DPYS: variants seen among roughly 807,000 people sequenced by gnomAD.
The protein encoded by DPYS is dihydropyrimidinase, also known as dihydropyrimidine amidohydrolase.
In DPYS, 39 loss-of-function variants were observed where a neutral mutation model predicts 50.3. The observed-to-expected ratio is 0.78, with a 90% CI of 0.60 to 1.01. DPYS has a LOEUF of 1.01. Among genes scored for constraint, DPYS ranks in the 50% least tolerant of loss-of-function variants. The pLI, the probability that DPYS is intolerant of heterozygous loss-of-function variation, is 0.00. For synonymous variants in DPYS, 245 were observed against 250.7 expected, an observed-to-expected ratio of 0.98 and a Z score of 0.22; for missense variants, 659 against 680.9, an observed-to-expected ratio of 0.97 and a Z score of 0.36.
In DPYS at chr8:104,451,839, A is replaced by G. The variant is rs151034280; in HGVS notation, c.265-435T>C. 8.5e-3 allele frequency among the ~76,000 whole-genome samples: 1,296 copies of G among 152,314 alleles called. 24 individuals are homozygous for G. The highest frequency in any genetic ancestry group is 0.03 in the African/African-American group (1,248 of 41,552). On this transcript the variant is annotated intron_variant, in intron 1 of 9. Transcript: ENST00000351513. The stretch of plus-strand genomic sequence containing the variant: ...ACTCTCAGAATCCTGGGAGACTTAC[A>G]TGGTTCCGGTCTTGCCTCCATTCCC...
At chr8:104,440,948 T>C (rs1268246220) in intron 4 of DPYS, among the ~76,000 whole-genome samples, 1 of 152,186 alleles carries the variant, frequency 6.6e-6, no homozygotes, top group African/African-American at 2.4e-5. Context: ...AAAAGGTCAG[T>C]GTGGTCCAAC....
At chr8:104,436,203 C>T (rs1171055740) in intron 4 of DPYS, among the ~76,000 whole-genome samples, 1 of 152,198 alleles carries the variant, frequency 6.6e-6, no homozygotes, top group African/African-American at 2.4e-5. Context: ...CCCGTTCCCA[C>T]ACTGACCAAC....
Position 104,429,596 on chromosome 8 carries a change from G to A in DPYS, c.899C>T (p.Pro300Leu). Residue 300 changes from proline (P) to leucine (L), a missense_variant, in exon 5 of 10, where the codon CCT becomes CTT. By Grantham distance (98) the Pro-to-Leu change is moderately conservative. Coordinates refer to ENST00000351513, the MANE Select transcript of DPYS (RefSeq NM_001385.3). ...HHAAHHVMGPPLRPDPSTPDF... is the reference protein window; with the variant it reads ...HHAAHHVMGPLLRPDPSTPDF... ...GGGTGTTGAGGGGTCTGGTCGCAAA[G>A]GTGGACCCATGACATGGTGGGCTGC... 1.2e-6 allele frequency: 2 copies of A among 1,614,142 alleles called. No homozygotes were observed. The highest frequency in any genetic ancestry group is 1.7e-6 in the Non-Finnish European group (2 of 1,180,020).
chr8:104,379,869 CTG>C (rs1810975550), intron 9 of DPYS, 26 bp from the exon 10 acceptor site: 1 of 455,858 alleles, frequency 2.2e-6, no homozygotes, highest in Admixed American at 2.4e-5. Flanking sequence ...AAGGAACTCA[CTG>C]TAACATTCTC....
chr8:104,458,997 G>A (rs956922906), intron 1 of DPYS, among the ~76,000 whole-genome samples: 3 of 152,198 alleles, frequency 2.0e-5, no homozygotes, highest in African/African-American at 7.2e-5. Context: ...GGTCTTTTCT[G>A]TGTGAAAAGA....
chr8:104,401,907 C>T (rs1227958575), intron 7 of DPYS, among the ~76,000 whole-genome samples: 8 of 152,166 alleles, frequency 5.3e-5, no homozygotes, highest in African/African-American at 1.9e-4. Flanking sequence ...CTTCTACACC[C>T]GCCTCCTGCA....
chr8:104,417,867 G>A (rs1430151670), intron 7 of DPYS, among the ~76,000 whole-genome samples: 1 of 152,004 alleles, frequency 6.6e-6, no homozygotes, highest in Non-Finnish European at 1.5e-5. Flanking sequence ...ATTCTCTCTC[G>A]CCATCCATCA....
At chr8:104,464,888 TG>T (rs1814304241) in intron 1 of DPYS, among the ~76,000 whole-genome samples, 1 of 152,226 alleles carries the variant, frequency 6.6e-6, no homozygotes, top group Non-Finnish European at 1.5e-5. Flanking sequence ...TCAAATTCAG[TG>T]CATATTACTT....
At position 104,466,629 on chromosome 8, in the gene DPYS, C is replaced by T. The variant is rs1031051691; in HGVS notation, c.264+28G>A. On this transcript the variant is annotated intron_variant, in intron 1 of 9. Coordinates refer to ENST00000351513, the MANE Select transcript of DPYS (RefSeq NM_001385.3). The stretch of plus-strand genomic sequence containing the variant: ...GCTGCCCGAGCCTCCGTGGGTACCG[C>T]GGGGCGGGGGCGCGGCGGGGCGGGT... 2.7e-6 allele frequency: 4 copies of T among 1,501,280 alleles called. No individual in the cohort carries two copies. The East Asian group carries it at 8.0e-5, about 30-fold the overall frequency. 93.0% of individuals were successfully genotyped at this position (1,501,280 alleles called of 1,614,324 possible). A position where few individuals can be genotyped will look rare whatever the true frequency, so the allele number is the denominator to read the frequency against.
intron 1 of DPYS, among the ~76,000 whole-genome samples, chr8:104,451,831 A>G (rs1380831082): frequency 6.6e-6 from 1 of 152,176 alleles, no homozygotes; most frequent in Admixed American, 6.5e-5. Context: ...GAATCCTGGG[A>G]GACTTACATG....
intron 9 of DPYS, among the ~76,000 whole-genome samples, chr8:104,380,152 G>A (rs1439943809): frequency 6.6e-6 from 1 of 152,198 alleles, no homozygotes; most frequent in Non-Finnish European, 1.5e-5. Context: ...AACATGGCAT[G>A]TAGCACAGAG....
intron 8 of DPYS, among the ~76,000 whole-genome samples, chr8:104,389,705 A>T (rs1360849314): frequency 6.6e-6 from 1 of 152,086 alleles, no homozygotes; most frequent in Non-Finnish European, 1.5e-5. Context: ...AATAATACCT[A>T]CCACTTGGCT....
chr8:104,424,003 T>C, intron 7 of DPYS: 1 of 985,468 alleles, frequency 1.0e-6, no homozygotes, highest in Non-Finnish European at 1.2e-6. Context: ...TAAATTCATA[T>C]TGGTTTTATA....
intron 8 of DPYS, among the ~76,000 whole-genome samples, chr8:104,385,168 T>G (rs7000266): frequency 0.37 from 55,518 of 152,044 alleles, 13,605 homozygotes; most frequent in African/African-American, 0.69. Flanking sequence ...AACACAACTA[T>G]AACTTAAGCA....
At chr8:104,404,540 C>T (rs929801350) in intron 7 of DPYS, among the ~76,000 whole-genome samples, 5 of 152,236 alleles carry the variant, frequency 3.3e-5, no homozygotes, top group Non-Finnish European at 5.9e-5. Context: ...TAACTTCATG[C>T]TTCACTGTCT....
At chr8:104,450,317 GT>G (rs1813694280) in intron 2 of DPYS, among the ~76,000 whole-genome samples, 1 of 152,130 alleles carries the variant, frequency 6.6e-6, no homozygotes, top group African/African-American at 2.4e-5. Flanking sequence ...TTGCTATTAT[GT>G]TTGCTGAACT....
chr8:104,394,984 T>C (rs1811530928), intron 7 of DPYS, among the ~76,000 whole-genome samples: 1 of 151,458 alleles, frequency 6.6e-6, no homozygotes, highest in Non-Finnish European at 1.5e-5. Flanking sequence ...GAAACTAAGA[T>C]TTTTTTTAAT....
chr8:104,448,095 G>A (rs1019825531), intron 2 of DPYS, among the ~76,000 whole-genome samples: 1 of 152,176 alleles, frequency 6.6e-6, no homozygotes, highest in Non-Finnish European at 1.5e-5. Flanking sequence ...GAAGCTCAGA[G>A]GCCTTCAGGG....
chr8:104,433,640 A>G (rs1320681772), intron 4 of DPYS, among the ~76,000 whole-genome samples: 2 of 152,198 alleles, frequency 1.3e-5, no homozygotes, highest in African/African-American at 4.8e-5. Flanking sequence ...TTTCCAAAAA[A>G]AAGAGAAGAA....
Sources: allele counts gnomAD v4.1 joint callset (sites outside exome capture counted in the v4.1 genomes callset), GRCh38; gene constraint gnomAD v4.1.1; transcripts MANE v1.5; gene names NCBI Gene and HGNC (gene_info 2026-07-23, HGNC 2026-07-21).